Variants in GATAD1 observed in about 807,000 individuals in gnomAD.
The protein encoded by GATAD1 is GATA zinc finger domain containing 1.
Under a neutral mutation model 26.5 loss-of-function variants are expected in GATAD1, and 12 were observed. The ratio of observed to expected loss-of-function variants is 0.45; its 90% CI spans 0.29 to 0.73. GATAD1 has a LOEUF of 0.73. GATAD1 is among the 30% of genes least tolerant of loss of function. The pLI is 0.10. For synonymous variants in GATAD1, 129 were observed against 133.1 expected, an observed-to-expected ratio of 0.97 and a Z score of 0.21; for missense variants, 266 against 342.1, an observed-to-expected ratio of 0.78 and a Z score of 1.75.
At chr7:92,494,364 C>G in the GATAD1 span, 1 of 1,613,912 alleles carries the variant, frequency 6.2e-7, no homozygotes, top group Non-Finnish European at 8.5e-7. Context: ...TCAATCAAGT[C>G]AGGGCGACTA....
chr7:92,461,864 A>G (rs903649340), downstream of GATAD1, among the ~76,000 whole-genome samples: 2 of 152,160 alleles, frequency 1.3e-5, no homozygotes, highest in East Asian at 1.9e-4. Flanking sequence ...AAGAAGGGAC[A>G]TACCAGCACT....
At chr7:92,488,729 A>ATT in the GATAD1 span, among the ~76,000 whole-genome samples, 22 of 142,548 alleles carry the variant, frequency 1.5e-4, no homozygotes, top group South Asian at 2.2e-4. Context: ...AAGTTACTAA[A>ATT]TTTTTTTTTT....
the GATAD1 span, among the ~76,000 whole-genome samples, chr7:92,466,476 A>G: frequency 6.6e-6 from 1 of 152,234 alleles, no homozygotes; most frequent in Non-Finnish European, 1.5e-5. Flanking sequence ...TTTTAGAATA[A>G]AGGGTGAAGG....
At chr7:92,493,202 G>T in the GATAD1 span, 1 of 876,778 alleles carries the variant, frequency 1.1e-6, no homozygotes, top group Non-Finnish European at 1.8e-6. Flanking sequence ...TGTATCTTAT[G>T]ATTTTCTTCA....
chr7:92,453,645 A>AT (rs1322256785), intron 3 of GATAD1, among the ~76,000 whole-genome samples: 3 of 152,170 alleles, frequency 2.0e-5, no homozygotes, highest in Non-Finnish European at 2.9e-5. Context: ...TCCAAAGATT[A>AT]TTTTTGGTTT....
At chr7:92,490,975 T>C in the GATAD1 span, among the ~76,000 whole-genome samples, 1 of 152,234 alleles carries the variant, frequency 6.6e-6, no homozygotes, top group Non-Finnish European at 1.5e-5. Context: ...AAGTTTACTA[T>C]AAAATGGAAC....
At chr7:92,468,297 C>T in the GATAD1 span, 64,444 of 171,130 alleles carry the variant, frequency 0.38, 13,820 homozygotes, top group South Asian at 0.54. Flanking sequence ...GAGTCAGCGG[C>T]GGGTCTGCGG....
In GATAD1 at chr7:92,447,953, G is replaced by A; in HGVS notation, c.224G>A (p.Ser75Asn). 9.8e-6 allele frequency: 12 copies of A among 1,227,724 alleles called. No homozygotes were observed. The highest frequency in any genetic ancestry group is 1.2e-5 in the Non-Finnish European group (12 of 986,018). The allele number at this position is 1,227,724 out of a possible 1,614,324, so 76.1% of individuals were successfully genotyped here. A position where few individuals can be genotyped will look rare whatever the true frequency, so the allele number is the denominator to read the frequency against. ...FASTSATPPQ[S>N]NGGGGGKQSK... ...AGCACCTCCGCCACCCCTCCGCAGA[G>A]CAACGGGGGCGGGGGCGGCAAGCAG... Residue 75 changes from serine to asparagine, a missense_variant, in exon 1 of 5, where the codon AGC (serine) becomes AAC (asparagine). Transcript: ENST00000287957.
chr7:92,485,724 A>C, the GATAD1 span, among the ~76,000 whole-genome samples: 3 of 152,230 alleles, frequency 2.0e-5, no homozygotes, highest in Admixed American at 2.0e-4. Context: ...AACAGTGGAG[A>C]CAGGAAATCT....
chr7:92,459,145 G>A lies in GATAD1; in HGVS notation c.*2583G>A, dbSNP rs907012891. On this transcript the variant is annotated 3_prime_UTR_variant, in exon 5 of 5. Transcript: ENST00000287957. Reference sequence around the variant, plus strand: ...GGAGGCTGAGGCAGGAGAATCGCTGGAACTCAGGAGGCAGAGACTGCAGTG... The same window carrying A: ...GGAGGCTGAGGCAGGAGAATCGCTGAAACTCAGGAGGCAGAGACTGCAGTG... 1 of 150,314 alleles carries A rather than the reference G, an allele frequency of 6.7e-6. No homozygotes were observed. The highest frequency in any genetic ancestry group is 2.5e-5 in the African/African-American group (1 of 40,758). 9.3% of individuals were successfully genotyped at this position (150,314 alleles called of 1,614,324 possible).
downstream of GATAD1, among the ~76,000 whole-genome samples, chr7:92,463,620 G>C (rs547340078): frequency 6.7e-6 from 1 of 148,318 alleles, no homozygotes; most frequent in Non-Finnish European, 1.5e-5. Flanking sequence ...CTGAGATCGC[G>C]CCACTGCACT....
downstream of GATAD1, among the ~76,000 whole-genome samples, chr7:92,460,271 A>G (rs1265867460): frequency 6.6e-6 from 1 of 152,224 alleles, no homozygotes; most frequent in Non-Finnish European, 1.5e-5. Context: ...TGCCCAGAAA[A>G]GGGAGAGGCA....
the GATAD1 span, chr7:92,491,120 A>G: frequency 3.2e-6 from 2 of 621,712 alleles, no homozygotes; most frequent in Non-Finnish European, 5.8e-6. Flanking sequence ...GCAAATTACC[A>G]ATTAGTGTAA....
the GATAD1 span, chr7:92,468,782 A>G: frequency 1.3e-6 from 1 of 743,170 alleles, no homozygotes; most frequent in Non-Finnish European, 2.5e-6. Context: ...CTTCCTGCTG[A>G]ATTGGGGCGT....
the GATAD1 span, among the ~76,000 whole-genome samples, chr7:92,477,098 C>T: frequency 8.0e-3 from 1,221 of 152,266 alleles, 20 homozygotes; most frequent in African/African-American, 0.028. Context: ...TGATCTCAAC[C>T]GGCTACTGCC....
chr7:92,469,112 G>T, the GATAD1 span: 5 of 702,116 alleles, frequency 7.1e-6, no homozygotes, highest in Admixed American at 6.0e-5. Flanking sequence ...CGTTGTATTC[G>T]ATCTCGAATT....
intron 3 of GATAD1, among the ~76,000 whole-genome samples, chr7:92,453,317 G>A (rs1252042506): frequency 6.6e-6 from 1 of 152,224 alleles, no homozygotes; most frequent in Non-Finnish European, 1.5e-5. Flanking sequence ...CACTTAAGGA[G>A]GTGCTGGATG....
At chr7:92,495,547 A>C in the GATAD1 span, among the ~76,000 whole-genome samples, 4 of 152,160 alleles carry the variant, frequency 2.6e-5, no homozygotes, top group Non-Finnish European at 5.9e-5. Flanking sequence ...ATTTTGGTCA[A>C]TTTTGTTTTT....
At chr7:92,482,089 A>G in the GATAD1 span, among the ~76,000 whole-genome samples, 1 of 152,222 alleles carries the variant, frequency 6.6e-6, no homozygotes, top group Admixed American at 6.5e-5. Flanking sequence ...AGAAGCAGAG[A>G]GGTGGAAAGA....
Sources: gnomAD v4.1 joint callset for allele counts (sites outside exome capture counted in the v4.1 genomes callset) on GRCh38, gnomAD v4.1.1 for gene constraint, MANE v1.5 for transcripts, NCBI Gene and HGNC (gene_info 2026-07-23, HGNC 2026-07-21) for gene names.